The following TNRC6B variants were observed in gnomAD, a reference collection of about 807,000 sequenced individuals.
TNRC6B encodes the protein trinucleotide repeat-containing gene 6B protein.
In TNRC6B, 52 loss-of-function variants were observed where a neutral mutation model predicts 203.6. The ratio of observed to expected loss-of-function variants is 0.26; its 90% CI spans 0.20 to 0.32. The LOEUF is 0.32. TNRC6B is among the 10% of genes least tolerant of loss of function. The pLI, the probability that TNRC6B is intolerant of heterozygous loss-of-function variation, is 1.00. For missense variants in TNRC6B, 1,923 were observed against 2,286.2 expected, an observed-to-expected ratio of 0.84 and a Z score of 3.24; for synonymous variants, 838 against 845.7, an observed-to-expected ratio of 0.99 and a Z score of 0.16.
chr22:40,059,042 C>G (rs2067825109), intron 1 of TNRC6B, among the ~76,000 whole-genome samples: 1 of 152,198 alleles, frequency 6.6e-6, no homozygotes. Flanking sequence ...AGTTCGTTTA[C>G]TGCTCCCATT....
At chr22:40,269,033 G>A (rs943288783) in intron 5 of TNRC6B, among the ~76,000 whole-genome samples, 28 of 150,006 alleles carry the variant, frequency 1.9e-4, no homozygotes, top group African/African-American at 4.9e-4. Context: ...ATTGTACTTC[G>A]TATACTGTTC....
intron 4 of TNRC6B, among the ~76,000 whole-genome samples, chr22:40,164,677 G>A (rs573820840): frequency 1.2e-3 from 167 of 142,360 alleles, no homozygotes; most frequent in African/African-American, 4.2e-3. Flanking sequence ...CAGGAGAATC[G>A]CTTGAACCTG....
At chr22:40,098,223 T>C (rs1220158936) in intron 1 of TNRC6B, among the ~76,000 whole-genome samples, 3 of 151,434 alleles carry the variant, frequency 2.0e-5, no homozygotes, top group Non-Finnish European at 4.4e-5. Context: ...CCATCTCTAC[T>C]AAAAATACAA....
At chr22:40,235,994 T>A (rs2069942276) in intron 1 of TNRC6B, among the ~76,000 whole-genome samples, 1 of 152,198 alleles carries the variant, frequency 6.6e-6, no homozygotes, top group Non-Finnish European at 1.5e-5. Flanking sequence ...GAGATAATTG[T>A]AGGTTCACAT....
At chr22:40,281,098 C>T in intron 10 of TNRC6B, 21 bp from the exon 11 acceptor site, 1 of 1,537,818 alleles carries the variant, frequency 6.5e-7, no homozygotes, top group Non-Finnish European at 8.8e-7. Context: ...TTGTGATTGG[C>T]TAACTCCTAC....
In TNRC6B at chr22:40,261,908, C is replaced by T; in HGVS notation, c.192C>T (p.Val64=). The T allele has an allele frequency of 4.4e-6, 7 of 1,608,838 alleles. No homozygotes were observed. Among genetic ancestry groups the T allele is most frequent in the Non-Finnish European group, 5.1e-6 (6 of 1,175,938 alleles). ...SPIGSSPSPP[V]NGGNNAKRVA... ...TTGGCAGCTCTCCATCGCCACCAGT[C>T]AATGGTGGCAACAATGCCAAAAGGG... Residue 64 remains valine (V), a synonymous_variant, in exon 4 of 23, where the codon GTC becomes GTT. Transcript: ENST00000454349.
At position 40,201,443 on chromosome 22, in the gene TNRC6B, G is replaced by GT. The variant is rs1011629283; in HGVS notation, c.5+23313dup. 1.3e-3 allele frequency among the ~76,000 whole-genome samples: 185 copies of GT among 145,894 alleles called. 1 individual carries two copies. The highest frequency in any genetic ancestry group is 3.6e-3 in the Middle Eastern group (1 of 278). ...CATTTTCTTTTTCTTTTTCTTTTTT[G>GT]TTTTTTTTTTGAGACAGGGTCTCAC... On this transcript the variant is annotated intron_variant, in intron 1 of 22. Transcript: ENST00000454349.
In TNRC6B at chr22:40,141,272, C is replaced by T. The variant is rs146646632; in HGVS notation, c.46-14843C>T. ...CCAGGCTGGAATGCAGTGGCACAAT[C>T]TCAACTCACTGCAACCTCCACCTCC... On this transcript the variant is annotated intron_variant, in intron 3 of 23. Coordinates refer to the TNRC6B transcript ENST00000301923. 5.1e-3 allele frequency among the ~76,000 whole-genome samples: 660 copies of T among 129,012 alleles called. 4 individuals carry two copies. Among genetic ancestry groups the T allele is most frequent in the African/African-American group, 0.019 (630 of 33,984 alleles). 84.6% of individuals were successfully genotyped at this position (129,012 alleles called of 152,430 possible).
intron 1 of TNRC6B, among the ~76,000 whole-genome samples, chr22:40,087,884 G>GT (rs1371773030): frequency 6.6e-6 from 1 of 152,128 alleles, no homozygotes; most frequent in Non-Finnish European, 1.5e-5. Context: ...GATGTACAGC[G>GT]TTTGGTGACC....
intron 1 of TNRC6B, among the ~76,000 whole-genome samples, chr22:40,062,557 C>G (rs1250913307): frequency 6.6e-6 from 1 of 152,136 alleles, no homozygotes; most frequent in Non-Finnish European, 1.5e-5. Context: ...AACAACCAGA[C>G]TATTTTCAAA....
Position 40,264,650 on chromosome 22 carries a change from A to G in TNRC6B, c.458-38A>G, listed in dbSNP as rs1250119703. On this transcript the variant is annotated intron_variant, in intron 4 of 22. Coordinates refer to ENST00000454349, the MANE Select transcript of TNRC6B (RefSeq NM_001162501.2). ...TGAGGGATTAATGGGTAATGAATGC[A>G]TTTGAAGCTGTGATTAATAAGATGA... is the stretch of plus-strand genomic sequence containing the variant. The G allele has an allele frequency of 2.6e-6, 4 of 1,539,402 alleles. No individual in the cohort carries two copies. The East Asian group carries it at 9.0e-5, about 35-fold the overall frequency.
chr22:40,047,154 A>G (rs992934004), intron 1 of TNRC6B, among the ~76,000 whole-genome samples: 8 of 152,176 alleles, frequency 5.3e-5, no homozygotes, highest in African/African-American at 1.7e-4. Flanking sequence ...TCCAGGGCAT[A>G]GGTTTAGTCT....
rs992660293 is a variant in TNRC6B, at chr22:40,117,525, A to T, written c.-47+397A>T. Among the ~76,000 whole-genome samples the T allele has an allele frequency of 1.4e-4, 22 of 152,320 alleles. No individual in the cohort carries two copies. The Middle Eastern group carries it at 0.01, about 71-fold the overall frequency. On this transcript the variant is annotated intron_variant, in intron 2 of 23. Transcript: ENST00000301923. ...TGCTTAAACAGCCCTCATGGCATCC[A>T]GTTGCTGCAGATGTTGTCCCACAGA... is the stretch of plus-strand genomic sequence containing the variant.
Position 40,265,296 on chromosome 22 carries a change from A to C in TNRC6B, c.1066A>C (p.Asn356His), listed in dbSNP as rs778938752. ...GTCAAAGATGGAAAATGCGGGTGTTAATTTTGTTGTCTCTGGCAGAGAACA... is the reference window on the plus strand; with the variant it reads ...GTCAAAGATGGAAAATGCGGGTGTTCATTTTGTTGTCTCTGGCAGAGAACA... ...QQSKMENAGV[N>H]FVVSGREQAQ... The change falls in exon 5 of 23, where the codon AAT becomes CAT. Residue 356 changes from asparagine (N) to histidine (H), a missense_variant. Physicochemically the swap from Asn to His is moderately conservative, Grantham distance 68. This residue lies in a region of TNRC6B where 614 missense variants were observed against 587.7 expected (regional missense o/e 1.04). Transcript: ENST00000454349. 1.9e-6 allele frequency: 3 copies of C among 1,614,010 alleles called. No individual in the cohort carries two copies. In the East Asian group the frequency reaches 6.7e-5, roughly 36 times the overall value.
At chr22:40,268,925 T>A (rs1315293901) in intron 5 of TNRC6B, among the ~76,000 whole-genome samples, 7 of 148,628 alleles carry the variant, frequency 4.7e-5, no homozygotes, top group African/African-American at 1.5e-4. Flanking sequence ...AAAATAATAA[T>A]AATAATAATA....
At position 40,266,476 on chromosome 22, in the gene TNRC6B, G is replaced by A; in HGVS notation, c.2246G>A (p.Trp749Ter). 1 of 1,613,772 alleles carries A rather than the reference G, an allele frequency of 6.2e-7. No homozygotes were observed. The highest frequency in any genetic ancestry group is 8.5e-7 in the Non-Finnish European group (1 of 1,179,756). The change falls in exon 5 of 23, where the codon TGG (tryptophan) becomes TAG (stop). Residue 749 changes from tryptophan (W) to a stop codon, truncating the protein, a stop_gained. Transcript: ENST00000454349. LOFTEE classifies it high-confidence loss of function. ...GGATGGTCTTCTGGAAAGAATGGTT[G>A]GGGGGAGGAAGTCGATCAGACAAAA... Reference protein sequence around the residue: ...NQGWSSGKNGWGEEVDQTKNS... With the variant: ...NQGWSSGKNG
At chr22:40,232,387 T>C (rs1311104864) in intron 1 of TNRC6B, among the ~76,000 whole-genome samples, 1 of 152,188 alleles carries the variant, frequency 6.6e-6, no homozygotes, top group Non-Finnish European at 1.5e-5. Flanking sequence ...TAAAAGTGTT[T>C]CAGGGATGCA....
At chr22:40,312,697 CA>C (rs1294810133) in intron 18 of TNRC6B, 46 bp downstream of exon 18, 1 of 1,573,490 alleles carries the variant, frequency 6.4e-7, no homozygotes, top group East Asian at 2.2e-5. Context: ...CCAGCATTTT[CA>C]TAGTTGTCAG....
rs191303828 is a variant in TNRC6B, at chr22:40,112,713, G to A, written c.-120-4342G>A. ...AGATTAAAGGAAGAACAGTTGAATA[G>A]TATCTGTTGCATTGACACTGAGATT... On this transcript the variant is annotated intron_variant, in intron 1 of 23. Transcript: ENST00000301923. 2.0e-3 allele frequency among the ~76,000 whole-genome samples: 302 copies of A among 152,306 alleles called. 1 individual carries two copies. Among genetic ancestry groups the A allele is most frequent in the Non-Finnish European group, 3.7e-3 (255 of 68,014 alleles).
Sources: allele counts gnomAD v4.1 joint callset (sites outside exome capture counted in the v4.1 genomes callset), GRCh38; gene constraint gnomAD v4.1.1; regional missense constraint gnomAD v4.1.1; transcripts MANE v1.5; gene names NCBI Gene and HGNC (gene_info 2026-07-23, HGNC 2026-07-21).